The following KIAA0825 variants were observed in gnomAD, a reference collection of about 807,000 sequenced individuals.
The protein encoded by KIAA0825 is KIAA0825.
In KIAA0825, 119 loss-of-function variants were observed where a neutral mutation model predicts 147.6. The observed-to-expected ratio is 0.81, with a 90% CI of 0.69 to 0.94. The LOEUF (loss-of-function observed/expected upper bound fraction) is 0.94, where lower values mean the gene tolerates loss of function less well. KIAA0825 is among the 40% of genes least tolerant of loss of function. The pLI is 0.00. For missense variants in KIAA0825, 1,381 were observed against 1,472.7 expected (o/e 0.94, Z 1.02); for synonymous variants, 470 against 518.1 (o/e 0.91, Z 1.26).
In KIAA0825 at chr5:94,499,255, C is replaced by T. The variant is rs1764742762; in HGVS notation, c.971-14325G>A. Among the ~76,000 whole-genome samples, 3 of 152,052 alleles carry T rather than the reference C, an allele frequency of 2.0e-5. No homozygotes were observed. In the South Asian group the frequency reaches 6.2e-4, roughly 32 times the overall value. ...AGCCAGAAGACCTGAGAAACAAGGC[C>T]CAGGTTCTTTCTGTTTTGTGCCTTC... On this transcript the variant is annotated intron_variant, in intron 5 of 20. Coordinates refer to ENST00000682413, the MANE Select transcript of KIAA0825 (RefSeq NM_001145678.3).
intron 20 of KIAA0825, among the ~76,000 whole-genome samples, chr5:94,301,226 A>G (rs940746893): frequency 3.9e-5 from 6 of 152,168 alleles, no homozygotes; most frequent in Non-Finnish European, 8.8e-5. Context: ...CTATGTGGAC[A>G]TAAGTGGTAA....
intron 1 of KIAA0825, chr5:94,593,555 C>T (rs1784724498): frequency 1.7e-6 from 1 of 575,368 alleles, no homozygotes. Flanking sequence ...GGACCCATTG[C>T]AGGACCTGAA....
intron 20 of KIAA0825, among the ~76,000 whole-genome samples, chr5:94,295,046 T>C (rs1340659764): frequency 1.3e-5 from 2 of 152,172 alleles, no homozygotes; most frequent in African/African-American, 4.8e-5. Flanking sequence ...CTTGTCACTT[T>C]CTGGTACACC....
chr5:94,174,842 T>A (rs543945934), intron 20 of KIAA0825, among the ~76,000 whole-genome samples: 3 of 152,158 alleles, frequency 2.0e-5, no homozygotes, highest in Non-Finnish European at 2.9e-5. Flanking sequence ...TTAATACTTA[T>A]GGATTTTTTT....
chr5:94,296,112 G>A (rs1271001058), intron 20 of KIAA0825, among the ~76,000 whole-genome samples: 2 of 152,202 alleles, frequency 1.3e-5, no homozygotes, highest in Non-Finnish European at 2.9e-5. Context: ...GCTCAGAGAG[G>A]AGGAATCTAA....
chr5:94,391,506 A>G (rs754818484), intron 18 of KIAA0825, 29 bp downstream of exon 18: 4 of 1,551,022 alleles, frequency 2.6e-6, no homozygotes, highest in African/African-American at 1.4e-5. Context: ...TACACACCTA[A>G]TTGCTCGATA....
In KIAA0825 at chr5:94,217,128, T is replaced by C. The variant is rs1285765768; in HGVS notation, c.3711-63004A>G. On this transcript the variant is annotated intron_variant, in intron 20 of 20. Coordinates refer to ENST00000682413, the MANE Select transcript of KIAA0825 (RefSeq NM_001145678.3). ...GTAGGAGTTGAGTATGAAGCAACTA[T>C]TCAAACATTTGAGAACTCAAATATC... 1.1e-4 allele frequency among the ~76,000 whole-genome samples: 17 copies of C among 152,184 alleles called. No homozygotes were observed. The East Asian group carries it at 3.3e-3, about 29-fold the overall frequency.
intron 20 of KIAA0825, among the ~76,000 whole-genome samples, chr5:94,242,719 G>A: frequency 6.6e-6 from 1 of 151,930 alleles, no homozygotes; most frequent in Admixed American, 6.6e-5. Context: ...TCTGCCTCCA[G>A]GGTTCAAGTG....
At chr5:94,387,486 G>T (rs1182352291) in intron 18 of KIAA0825, among the ~76,000 whole-genome samples, 1 of 152,130 alleles carries the variant, frequency 6.6e-6, no homozygotes, top group Admixed American at 6.5e-5. Flanking sequence ...TTAAGGTTGG[G>T]AGTTCCAGAC....
chr5:94,476,197 C>T (rs1415765474), intron 7 of KIAA0825, among the ~76,000 whole-genome samples: 2 of 152,190 alleles, frequency 1.3e-5, no homozygotes, highest in South Asian at 2.1e-4. Context: ...GTGTATCAGT[C>T]AGGGTCCATT....
chr5:94,434,529 T>G (rs1756092568), intron 14 of KIAA0825, among the ~76,000 whole-genome samples: 1 of 152,200 alleles, frequency 6.6e-6, no homozygotes, highest in African/African-American at 2.4e-5. Context: ...AAATCCCATA[T>G]GCTTTAATCT....
At chr5:94,589,288 T>C (rs1162813606) in intron 1 of KIAA0825, among the ~76,000 whole-genome samples, 3 of 152,224 alleles carry the variant, frequency 2.0e-5, no homozygotes, top group East Asian at 3.8e-4. Context: ...GTAAAGCCAC[T>C]AATGGTGTGG....
chr5:94,198,895 CAGA>C (rs1771397398), intron 20 of KIAA0825, among the ~76,000 whole-genome samples: 1 of 152,150 alleles, frequency 6.6e-6, no homozygotes, highest in African/African-American at 2.4e-5. Context: ...TTTTCACTTC[CAGA>C]AGTTCAATTT....
chr5:94,413,107 A>C (rs1047455342), intron 15 of KIAA0825: 5 of 152,084 alleles, frequency 3.3e-5, no homozygotes, highest in African/African-American at 1.2e-4. Flanking sequence ...ACATGCCACC[A>C]TGCCCAGCTA....
intron 20 of KIAA0825, among the ~76,000 whole-genome samples, chr5:94,352,611 C>A (rs1226575732): frequency 6.6e-6 from 1 of 152,212 alleles, no homozygotes; most frequent in Non-Finnish European, 1.5e-5. Context: ...GAAAAAGACA[C>A]TTGCACACGC....
rs150515084 is a variant in KIAA0825, at chr5:94,513,294, A to C, written c.970+6954T>G. On this transcript the variant is annotated intron_variant, in intron 5 of 20. Transcript: ENST00000682413. ...TTTTTCAGTATCAAAAAATGTTATT[A>C]AATGGCTAAGATGGTATATAAATCT... 7.2e-5 allele frequency among the ~76,000 whole-genome samples: 11 copies of C among 152,316 alleles called. 1 individual carries two copies. In the East Asian group the frequency reaches 2.1e-3, roughly 29 times the overall value.
At chr5:94,239,413 A>G (rs186557024) in intron 20 of KIAA0825, among the ~76,000 whole-genome samples, 1 of 152,322 alleles carries the variant, frequency 6.6e-6, no homozygotes, top group African/African-American at 2.4e-5. Flanking sequence ...CATTCTGAAA[A>G]TCAAACATAT....
intron 1 of KIAA0825, among the ~76,000 whole-genome samples, chr5:94,600,801 G>C (rs1388092463): frequency 1.3e-5 from 2 of 152,212 alleles, no homozygotes; most frequent in African/African-American, 4.8e-5. Context: ...CTACAAAAGT[G>C]TGACCAGATT....
chr5:94,424,392 T>C (rs576428208), intron 14 of KIAA0825, among the ~76,000 whole-genome samples: 2 of 152,060 alleles, frequency 1.3e-5, no homozygotes, highest in South Asian at 2.1e-4. Context: ...CAAATATACA[T>C]AGAAATTAAA....
Sources: gnomAD v4.1 joint callset for allele counts (sites outside exome capture counted in the v4.1 genomes callset) on GRCh38, gnomAD v4.1.1 for gene constraint, MANE v1.5 for transcripts, NCBI Gene and HGNC (gene_info 2026-07-23, HGNC 2026-07-21) for gene names.